Variants in DTNA observed in about 807,000 individuals in gnomAD.
DTNA encodes the protein dystrophin-related protein 3.
A neutral mutation model predicts 100.7 loss-of-function variants in DTNA; 43 were observed. The observed-to-expected ratio is 0.43, with a 90% CI of 0.33 to 0.55. The LOEUF is 0.55. Among genes scored for constraint, DTNA ranks in the 20% least tolerant of loss-of-function variants. The pLI is 0.04. For missense variants in DTNA, 798 were observed against 953.9 expected, an observed-to-expected ratio of 0.84 and a Z score of 2.15; for synonymous variants, 349 against 347.9, an observed-to-expected ratio of 1.00 and a Z score of -0.04.
chr18:34,649,649 G>A (rs555840909), intron 1 of DTNA, among the ~76,000 whole-genome samples: 1 of 152,224 alleles, frequency 6.6e-6, no homozygotes, highest in Admixed American at 6.5e-5. Context: ...ACTTTTGGTT[G>A]TTTCTGCCAA....
intron 5 of DTNA, among the ~76,000 whole-genome samples, chr18:34,806,572 C>T (rs982968585): frequency 6.6e-6 from 1 of 152,196 alleles, no homozygotes; most frequent in African/African-American, 2.4e-5. Context: ...AAAATAAGCA[C>T]TCTTTGCAGT....
rs558826228 is a variant in DTNA, at chr18:34,787,281, A to C, written c.149-6756A>C. ...TTTATAATCAGTGGTTGTCAGAATCACCTGGAGAGTTTTGTCAAAACCCTT... is the reference window on the plus strand; with the variant it reads ...TTTATAATCAGTGGTTGTCAGAATCCCCTGGAGAGTTTTGTCAAAACCCTT... On this transcript the variant is annotated intron_variant, in intron 3 of 22. Transcript: ENST00000444659. 2.6e-4 allele frequency among the ~76,000 whole-genome samples: 39 copies of C among 152,328 alleles called. No individual in the cohort carries two copies. The South Asian group carries it at 7.9e-3, about 31-fold the overall frequency.
chr18:34,866,486 G>A, intron 17 of DTNA: 1 of 1,194,980 alleles, frequency 8.4e-7, no homozygotes, highest in Non-Finnish European at 1.1e-6. Flanking sequence ...AGATACCACA[G>A]TCACTAGAGA....
intron 1 of DTNA, among the ~76,000 whole-genome samples, chr18:34,602,996 C>A (rs2052264928): frequency 6.6e-6 from 1 of 150,554 alleles, no homozygotes; most frequent in African/African-American, 2.4e-5. Context: ...GTGTGAGACT[C>A]CCTCTCAAAA....
At position 34,869,817 on chromosome 18, in the gene DTNA, C is replaced by G. The variant is rs112333408; in HGVS notation, c.1744-5422C>G. Among the ~76,000 whole-genome samples, 1,016 of 152,282 alleles carry G rather than the reference C, an allele frequency of 6.7e-3. 6 individuals carry two copies. Among genetic ancestry groups the G allele is most frequent in the Non-Finnish European group, 8.9e-3 (608 of 68,018 alleles). On this transcript the variant is annotated intron_variant, in intron 17 of 22. Coordinates refer to ENST00000444659, the MANE Select transcript of DTNA (RefSeq NM_001386795.1). ...CAGGCAGATCACAAGGTCAGGAGAT[C>G]GAGACCATCCCGGCTAACACGGTGA...
At chr18:34,618,038 C>T (rs1255098960) in intron 1 of DTNA, among the ~76,000 whole-genome samples, 1 of 152,072 alleles carries the variant, frequency 6.6e-6, no homozygotes, top group Non-Finnish European at 1.5e-5. Context: ...AAGCTAATCT[C>T]TGGGCTGGGT....
chr18:34,646,346 C>A lies in DTNA; in HGVS notation c.-1-109630C>A, dbSNP rs184110248. Among the ~76,000 whole-genome samples, 262 of 152,164 alleles carry A rather than the reference C, an allele frequency of 1.7e-3. 2 individuals carry two copies. The highest frequency in any genetic ancestry group is 0.016 in the Admixed American group (242 of 15,286). On this transcript the variant is annotated intron_variant, in intron 1 of 19. Coordinates refer to the DTNA transcript ENST00000283365. ...TAACTTGGTAGTTTTAAAATTAGGA[C>A]GATACAGCTCATACAAACAATAAGA...
chr18:34,777,245 G>T (rs2094107260), intron 3 of DTNA, among the ~76,000 whole-genome samples: 1 of 152,118 alleles, frequency 6.6e-6, no homozygotes, highest in African/African-American at 2.4e-5. Context: ...CCCATACCTG[G>T]AACATTATAA....
intron 1 of DTNA, among the ~76,000 whole-genome samples, chr18:34,743,331 T>C (rs1052728549): frequency 2.6e-5 from 4 of 152,156 alleles, no homozygotes; most frequent in Admixed American, 1.3e-4. Context: ...TTGGCATCTA[T>C]GTTCATTAAC....
chr18:34,804,069 A>G (rs1487199317), intron 4 of DTNA, among the ~76,000 whole-genome samples: 1 of 152,218 alleles, frequency 6.6e-6, no homozygotes, highest in Non-Finnish European at 1.5e-5. Flanking sequence ...ATGCCACATA[A>G]TAAGTAAAAA....
intron 1 of DTNA, among the ~76,000 whole-genome samples, chr18:34,538,333 A>C (rs1185806449): frequency 6.6e-6 from 1 of 152,050 alleles, no homozygotes; most frequent in East Asian, 1.9e-4. Flanking sequence ...TCCCAAATTC[A>C]TTTCTCTAAA....
In DTNA at chr18:34,594,004, G is replaced by A. The variant is rs527373596; in HGVS notation, c.-2+100490G>A. ...GTGCTCTAAAGGTGGCTTAAACTGC[G>A]TAAGGAGCCTTTAGAAGATATTCTA... On this transcript the variant is annotated intron_variant, in intron 1 of 19. Transcript: ENST00000283365. 1.8e-4 allele frequency among the ~76,000 whole-genome samples: 28 copies of A among 152,284 alleles called. No homozygotes were observed. The South Asian group carries it at 3.5e-3, about 19-fold the overall frequency.
intron 17 of DTNA, chr18:34,867,032 T>TAA: frequency 8.2e-7 from 1 of 1,223,538 alleles, no homozygotes; most frequent in Non-Finnish European, 1.0e-6. Flanking sequence ...AGAAGCAAAA[T>TAA]AAAAGCAGCT....
intron 1 of DTNA, among the ~76,000 whole-genome samples, chr18:34,496,620 A>G (rs1023586002): frequency 5.9e-5 from 9 of 152,178 alleles, no homozygotes; most frequent in Admixed American, 4.6e-4. Context: ...GTGGGGCTCA[A>G]TAGTGAGCAG....
At chr18:34,687,443 G>T (rs1437687088) in intron 1 of DTNA, among the ~76,000 whole-genome samples, 1 of 152,158 alleles carries the variant, frequency 6.6e-6, no homozygotes, top group Non-Finnish European at 1.5e-5. Context: ...CCATGTAGTT[G>T]TGCAGTTTTG....
chr18:34,643,067 C>CA (rs975165628), intron 1 of DTNA, among the ~76,000 whole-genome samples: 25 of 151,692 alleles, frequency 1.6e-4, no homozygotes, highest in Non-Finnish European at 2.4e-4. Flanking sequence ...TGGAAACAAA[C>CA]AAAAAAAAGG....
rs947629778 is a variant in DTNA at position 34,505,171 on chromosome 18, T to C, written c.-2+11657T>C. Reference sequence around the variant, plus strand: ...GAGGTTCTAAGGAATAATCTATTACTTTGCTTTCTTTAGCTTCTAGAGGCA... The same window carrying C: ...GAGGTTCTAAGGAATAATCTATTACCTTGCTTTCTTTAGCTTCTAGAGGCA... On this transcript the variant is annotated intron_variant, in intron 1 of 19. Coordinates refer to the DTNA transcript ENST00000283365. 1.8e-4 allele frequency among the ~76,000 whole-genome samples: 28 copies of C among 152,212 alleles called. 1 individual carries two copies. Among genetic ancestry groups the C allele is most frequent in the African/African-American group, 6.3e-4 (26 of 41,458 alleles).
chr18:34,617,856 A>G (rs2055636617), intron 1 of DTNA, among the ~76,000 whole-genome samples: 1 of 152,212 alleles, frequency 6.6e-6, no homozygotes, highest in African/African-American at 2.4e-5. Context: ...GGAAGCCAGA[A>G]ACTTTGTGTG....
At chr18:34,747,114 A>G (rs1390713946) in intron 1 of DTNA, among the ~76,000 whole-genome samples, 2 of 151,408 alleles carry the variant, frequency 1.3e-5, no homozygotes, top group Admixed American at 6.6e-5. Flanking sequence ...CTATATATAT[A>G]TATATATGTT....
Sources: gnomAD v4.1 joint callset for allele counts (sites outside exome capture counted in the v4.1 genomes callset) on GRCh38, gnomAD v4.1.1 for gene constraint, MANE v1.5 for transcripts, NCBI Gene and HGNC (gene_info 2026-07-23, HGNC 2026-07-21) for gene names.